STXBP3: variants seen among roughly 807,000 people sequenced by gnomAD.
The protein encoded by STXBP3 is syntaxin binding protein 3.
A neutral mutation model predicts 85.7 loss-of-function variants in STXBP3; 41 were observed. The observed-to-expected ratio is 0.48, with a 90% CI of 0.37 to 0.62. The LOEUF (loss-of-function observed/expected upper bound fraction) is 0.62. STXBP3 is among the 20% of genes least tolerant of loss of function. The pLI is 0.00. For missense variants in STXBP3, 563 were observed against 703.1 expected, an observed-to-expected ratio of 0.80 and a Z score of 2.25; for synonymous variants, 229 against 231.7, an observed-to-expected ratio of 0.99 and a Z score of 0.10.
intron 6 of STXBP3, among the ~76,000 whole-genome samples, chr1:108,770,939 T>C (rs1006365079): frequency 6.6e-6 from 1 of 152,130 alleles, no homozygotes; most frequent in Non-Finnish European, 1.5e-5. Context: ...AATATGTCTC[T>C]TATTTTAAGG....
In STXBP3 at chr1:108,758,564, G is replaced by T. The variant is rs1440970904; in HGVS notation, c.313G>T (p.Ala105Ser). 2 of 1,535,776 alleles carry T rather than the reference G, an allele frequency of 1.3e-6. No individual in the cohort carries two copies. The stretch of plus-strand genomic sequence containing the variant: ...AAGTAAATCGGAGAACAAGTATAAA[G>T]CAGCATATATTTACTTCACTGACTG... ...FASKSENKYKAAYIYFTDFCP... is the reference protein window; with the variant it reads ...FASKSENKYKSAYIYFTDFCP... The change falls in exon 5 of 19, where the codon GCA (alanine) becomes TCA (serine). Residue 105 changes from alanine (A) to serine (S), a missense_variant. By Grantham distance (99) the Ala-to-Ser change is moderately conservative. Around this residue, in one of 3 missense-constraint regions of STXBP3, gnomAD observed 494 missense variants for 592.8 expected, o/e 0.83. Coordinates refer to ENST00000370008, the MANE Select transcript of STXBP3 (RefSeq NM_007269.4).
intron 11 of STXBP3, among the ~76,000 whole-genome samples, chr1:108,783,488 G>T (rs1662762082): frequency 6.6e-6 from 1 of 152,020 alleles, no homozygotes; most frequent in Non-Finnish European, 1.5e-5. Context: ...ACGTATTTTA[G>T]TAATTCATTT....
chr1:108,794,974 C>T, intron 13 of STXBP3, 67 bp downstream of exon 13: 1 of 1,424,618 alleles, frequency 7.0e-7, no homozygotes, highest in Non-Finnish European at 9.6e-7. Context: ...TAAGTTAAAA[C>T]CTAACTTTTT....
At chr1:108,755,876 A>G (rs1402092605) in intron 3 of STXBP3, among the ~76,000 whole-genome samples, 1 of 152,200 alleles carries the variant, frequency 6.6e-6, no homozygotes, top group East Asian at 1.9e-4. Context: ...ATACATTACT[A>G]ATATACATTT....
rs529732985 is a variant in STXBP3, at chr1:108,793,448, T to C, written c.964-134T>C. 8.2e-4 allele frequency: 552 copies of C among 669,970 alleles called. 2 individuals carry two copies. Among genetic ancestry groups the C allele is most frequent in the Non-Finnish European group, 1.2e-3 (486 of 414,090 alleles). 41.5% of individuals were successfully genotyped at this position (669,970 alleles called of 1,614,324 possible). ...GTGAAACTGGAAGCCTCCTAAATTCTTCTTTCAAAAAAATTGTCAAATATT... is the reference window on the plus strand; with the variant it reads ...GTGAAACTGGAAGCCTCCTAAATTCCTCTTTCAAAAAAATTGTCAAATATT... On this transcript the variant is annotated intron_variant, in intron 11 of 18. Transcript: ENST00000370008.
At chr1:108,783,022 C>T (rs1036030958) in intron 11 of STXBP3, among the ~76,000 whole-genome samples, 6 of 152,230 alleles carry the variant, frequency 3.9e-5, no homozygotes, top group East Asian at 1.9e-4. Flanking sequence ...TTTGCCTCAG[C>T]GGGATTACTG....
At position 108,746,868 on chromosome 1, in the gene STXBP3, C is replaced by T. The variant is rs993334934; in HGVS notation, c.49+82C>T. On this transcript the variant is annotated intron_variant, in intron 1 of 18. Transcript: ENST00000370008. ...GCCTCGTTTTGCAGCCCCAACCCAG[C>T]GGTCTGTTGAGGAGCCGCCGCGAGC... 2.1e-5 allele frequency: 30 copies of T among 1,418,876 alleles called. No homozygotes were observed. In the African/African-American group the frequency reaches 3.3e-4, roughly 16 times the overall value. 87.9% of individuals were successfully genotyped at this position (1,418,876 alleles called of 1,614,324 possible).
intron 6 of STXBP3, among the ~76,000 whole-genome samples, chr1:108,761,436 T>C (rs1662140293): frequency 6.6e-6 from 1 of 152,136 alleles, no homozygotes; most frequent in Admixed American, 6.6e-5. Context: ...ATAAATATAA[T>C]TTTAGCCCCA....
intron 13 of STXBP3, among the ~76,000 whole-genome samples, chr1:108,795,755 CTTTTGTA>C (rs1047086811): frequency 2.2e-4 from 34 of 151,966 alleles, no homozygotes; most frequent in African/African-American, 8.0e-4. Context: ...ATTTTTTGAC[CTTTTGTA>C]TTTTGTATAA....
At chr1:108,780,341 G>A (rs968777177) in intron 9 of STXBP3, 4 of 151,860 alleles carry the variant, frequency 2.6e-5, no homozygotes, top group Non-Finnish European at 4.4e-5. Flanking sequence ...TAATATAAAA[G>A]TTATTTTAAG....
At chr1:108,763,993 C>T (rs190425306) in intron 6 of STXBP3, among the ~76,000 whole-genome samples, 1 of 152,220 alleles carries the variant, frequency 6.6e-6, no homozygotes, top group Admixed American at 6.5e-5. Flanking sequence ...AGGTACTAAG[C>T]CTAGTACCCA....
intron 6 of STXBP3, among the ~76,000 whole-genome samples, chr1:108,766,299 A>G (rs1270644277): frequency 6.6e-6 from 1 of 152,180 alleles, no homozygotes; most frequent in African/African-American, 2.4e-5. Context: ...GTAGGCAAAA[A>G]TATGGTTTAT....
intron 4 of STXBP3, among the ~76,000 whole-genome samples, chr1:108,757,809 A>G (rs1662052478): frequency 6.6e-6 from 1 of 152,070 alleles, no homozygotes; most frequent in South Asian, 2.1e-4. Context: ...CTAGTAGTAA[A>G]TAAATCTAAT....
intron 6 of STXBP3, among the ~76,000 whole-genome samples, chr1:108,771,090 G>A (rs949174023): frequency 7.2e-5 from 11 of 151,834 alleles, no homozygotes; most frequent in Admixed American, 2.0e-4. Context: ...TCTGTGCTAG[G>A]AGTTAGATTT....
chr1:108,794,726 C>A, intron 12 of STXBP3, 101 bp from the exon 13 acceptor site: 1 of 931,884 alleles, frequency 1.1e-6, no homozygotes. Context: ...TCTTTCACCT[C>A]AGCCCATACT....
Position 108,779,384 on chromosome 1 carries a change from A to T in STXBP3, c.783A>T (p.Leu261=). 2.5e-6 allele frequency: 4 copies of T among 1,612,188 alleles called. No homozygotes were observed. The highest frequency in any genetic ancestry group is 3.4e-6 in the Non-Finnish European group (4 of 1,178,898). ...ELTFQAMAYD[L]LPIENDTYKY... ...CCTTTCAGGCAATGGCATATGATCTACTACCAATTGAGAATGATACATACA... is the reference window on the plus strand; with the variant it reads ...CCTTTCAGGCAATGGCATATGATCTTCTACCAATTGAGAATGATACATACA... The change falls in exon 9 of 19, where the codon CTA becomes CTT. Residue 261 remains leucine (L), a synonymous_variant. Transcript: ENST00000370008.
At chr1:108,807,063 C>G (rs1404062349) in intron 17 of STXBP3, among the ~76,000 whole-genome samples, 2 of 152,026 alleles carry the variant, frequency 1.3e-5, no homozygotes, top group East Asian at 3.9e-4. Context: ...ACCAGCGTGG[C>G]CAACATGGTG....
chr1:108,750,445 A>G (rs1431187556), intron 1 of STXBP3, among the ~76,000 whole-genome samples: 1 of 152,206 alleles, frequency 6.6e-6, no homozygotes, highest in Non-Finnish European at 1.5e-5. Flanking sequence ...TTGATATTTC[A>G]TAACACTTCC....
chr1:108,764,754 G>T (rs186375231), intron 6 of STXBP3, among the ~76,000 whole-genome samples: 1 of 152,148 alleles, frequency 6.6e-6, no homozygotes, highest in Non-Finnish European at 1.5e-5. Context: ...GTAAATTTAA[G>T]TTCCTTATAG....
Sources: allele counts gnomAD v4.1 joint callset (sites outside exome capture counted in the v4.1 genomes callset), GRCh38; gene constraint gnomAD v4.1.1; regional missense constraint gnomAD v4.1.1; transcripts MANE v1.5; gene names NCBI Gene and HGNC (gene_info 2026-07-23, HGNC 2026-07-21).